The following UBASH3A variants were observed in gnomAD, a reference collection of about 807,000 sequenced individuals.
UBASH3A encodes the protein ubiquitin-associated and SH3 domain-containing protein A.
A neutral mutation model predicts 73.5 loss-of-function variants in UBASH3A; 63 were observed. The ratio of observed to expected loss-of-function variants is 0.86; its 90% CI spans 0.70 to 1.06. UBASH3A has a LOEUF of 1.06. Ranked by LOEUF, UBASH3A falls within the 50% of genes least tolerant of loss-of-function variation. UBASH3A has a pLI of 0.00. For synonymous variants in UBASH3A, 363 were observed against 351.1 expected (o/e 1.03, Z -0.38); for missense variants, 860 against 859.0 (o/e 1.00, Z -0.02).
chr21:42,405,990 G>GC (rs1568904760), intron 1 of UBASH3A, among the ~76,000 whole-genome samples: 6 of 150,938 alleles, frequency 4.0e-5, no homozygotes, highest in South Asian at 4.2e-4. Flanking sequence ...CAGTGGGGGG[G>GC]GGGGGGGCAG....
chr21:42,443,331 G>T lies in UBASH3A; in HGVS notation c.1651G>T (p.Ala551Ser), dbSNP rs143135698. ...TTCCAGGCCCGCGTTTCCCCTGTCC[G>T]CCCTCATGCCGGCCGAGAGCTACCA... ...TDYRPAFPLS[A>S]LMPAESYQEY... The change falls in exon 13 of 15, where the codon GCC (alanine) becomes TCC (serine). Residue 551 changes from alanine (A) to serine (S), a missense_variant. Transcript: ENST00000319294. 7 of 1,612,924 alleles carry T rather than the reference G, an allele frequency of 4.3e-6. No individual in the cohort carries two copies. In the African/African-American group the frequency reaches 9.4e-5, roughly 22 times the overall value.
chr21:42,413,344 C>A lies in UBASH3A; in HGVS notation c.554-66C>A, dbSNP rs201904131. 4.1e-4 allele frequency: 640 copies of A among 1,543,220 alleles called. 13 individuals are homozygous for A. In the East Asian group the frequency reaches 0.014, roughly 34 times the overall value. On this transcript the variant is annotated intron_variant, in intron 4 of 14. Coordinates refer to ENST00000319294, the MANE Select transcript of UBASH3A (RefSeq NM_018961.4). The surrounding 1 kb of genome is among the most constrained non-coding windows in gnomAD (Gnocchi z 4.5). The stretch of plus-strand genomic sequence containing the variant: ...TGGGTTCCAGGGGAGCAGAGCCCAG[C>A]AGCAATGGTGGGATGGCTGGGTGGG...
chr21:42,417,878 CTTT>C (rs796939696), intron 6 of UBASH3A, among the ~76,000 whole-genome samples: 1,595 of 90,466 alleles, frequency 0.018, 15 homozygotes, highest in African/African-American at 0.063. Context: ...TTCTTTTTTT[CTTT>C]TTTTTTTTTT....
chr21:42,439,023 G>T (rs74331949), intron 11 of UBASH3A, among the ~76,000 whole-genome samples: 1 of 152,116 alleles, frequency 6.6e-6, no homozygotes, highest in Non-Finnish European at 1.5e-5. Context: ...ATGCACACAT[G>T]TGCATTGCCG....
intron 8 of UBASH3A, among the ~76,000 whole-genome samples, chr21:42,429,739 C>T (rs1378949386): frequency 6.6e-6 from 1 of 152,130 alleles, no homozygotes; most frequent in Non-Finnish European, 1.5e-5. Flanking sequence ...GCAAGACAAA[C>T]CTTCCCCTGA....
chr21:42,422,218 T>C (rs557805111), intron 7 of UBASH3A, among the ~76,000 whole-genome samples: 20 of 152,212 alleles, frequency 1.3e-4, no homozygotes, highest in Non-Finnish European at 2.8e-4. Context: ...GAATAAGAAC[T>C]TAGGACCACA....
rs532757591 is a variant in UBASH3A at position 42,444,320 on chromosome 21, G to T, written c.1739-214G>T. On this transcript the variant is annotated intron_variant, in intron 13 of 14. Coordinates refer to ENST00000319294, the MANE Select transcript of UBASH3A (RefSeq NM_018961.4). The stretch of plus-strand genomic sequence containing the variant: ...CACTTCCTAGGCCTCCCTGAGGCTG[G>T]TGGGCAGCTGCTGCGTGCAGAGGAA... 6.4e-4 allele frequency among the ~76,000 whole-genome samples: 97 copies of T among 152,336 alleles called. 1 individual carries two copies. Among genetic ancestry groups the T allele is most frequent in the Non-Finnish European group, 1.1e-3 (78 of 68,026 alleles).
chr21:42,436,470 G>T (rs2053629470), intron 10 of UBASH3A, among the ~76,000 whole-genome samples: 1 of 152,162 alleles, frequency 6.6e-6, no homozygotes, highest in African/African-American at 2.4e-5. Context: ...TCTCTTCTCT[G>T]CATGTCTCTG....
At chr21:42,412,548 T>C (rs532225247) in intron 3 of UBASH3A, among the ~76,000 whole-genome samples, 2 of 152,180 alleles carry the variant, frequency 1.3e-5, no homozygotes, top group African/African-American at 4.8e-5. Context: ...CCCGACTCAG[T>C]GCTCAGCCGT....
At chr21:42,439,854 A>T (rs1350328131) in intron 11 of UBASH3A, among the ~76,000 whole-genome samples, 1 of 144,324 alleles carries the variant, frequency 6.9e-6, no homozygotes, top group Non-Finnish European at 1.5e-5. Context: ...CACACAACAC[A>T]CACACCACAC....
In UBASH3A at chr21:42,418,494, G is replaced by A. The variant is rs1228173031; in HGVS notation, c.931G>A (p.Asp311Asn). ...CATCTTTGTGGACCCCACGCAGCAGGACGAAGCCAGCGAGGGCTGGGTGAT... is the reference window on the plus strand; with the variant it reads ...CATCTTTGTGGACCCCACGCAGCAGAACGAAGCCAGCGAGGGCTGGGTGAT... ...DYIFVDPTQQ[D>N]EASEGWVIGI... Residue 311 changes from aspartate to asparagine, a missense_variant, in exon 7 of 15, where the codon GAC (aspartate) becomes AAC (asparagine). Asp to Asn is a conservative substitution (Grantham distance 23). Coordinates refer to ENST00000319294, the MANE Select transcript of UBASH3A (RefSeq NM_018961.4). The A allele has an allele frequency of 6.2e-7, 1 of 1,614,260 alleles. No individual in the cohort carries two copies. The highest frequency in any genetic ancestry group is 1.1e-5 in the South Asian group (1 of 91,086).
chr21:42,444,559 CGGCTCCACTCT>C lies in UBASH3A; in HGVS notation c.1767_1777del (p.Ser590LeufsTer33), dbSNP rs2053813682. 1 of 1,613,572 alleles carries C rather than the reference CGGCTCCACTCT, an allele frequency of 6.2e-7. No individual in the cohort carries two copies. The highest frequency in any genetic ancestry group is 1.3e-5 in the African/African-American group (1 of 74,912). ...CGGGTGTCATCCTAATTGTGAGTCA[CGGCTCCACTCT>C]GGACTCCTGCACGCGGCCACTGCTC... On this transcript the variant is annotated frameshift_variant, in exon 14 of 15. Transcript: ENST00000319294. LOFTEE classifies it high-confidence loss of function.
At chr21:42,445,156 C>T (rs896239963) in intron 14 of UBASH3A, among the ~76,000 whole-genome samples, 3 of 152,228 alleles carry the variant, frequency 2.0e-5, no homozygotes, top group Non-Finnish European at 4.4e-5. Flanking sequence ...ATAACGCACA[C>T]GTGACATCTT....
rs751895974 is a variant in UBASH3A at position 42,413,572 on chromosome 21, G to A, written c.667+49G>A. The A allele has an allele frequency of 1.8e-5, 24 of 1,352,456 alleles. No homozygotes were observed. The highest frequency in any genetic ancestry group is 3.7e-4 in the Middle Eastern group (2 of 5,470). 83.8% of individuals were successfully genotyped at this position (1,352,456 alleles called of 1,614,324 possible). A position where few individuals can be genotyped will look rare whatever the true frequency, so the allele number is the denominator to read the frequency against. ...ACCAGCTTTGGTCTTCTCTTTAGGC[G>A]GGAATAGCCTTGTTCTCATTATGTG... On this transcript the variant is annotated intron_variant, in intron 5 of 14. Coordinates refer to ENST00000319294, the MANE Select transcript of UBASH3A (RefSeq NM_018961.4). The surrounding 1 kb of genome is among the most constrained non-coding windows in gnomAD (Gnocchi z 4.5).
intron 7 of UBASH3A, among the ~76,000 whole-genome samples, chr21:42,419,773 C>T (rs2053298096): frequency 6.6e-6 from 1 of 152,222 alleles, no homozygotes; most frequent in African/African-American, 2.4e-5. Flanking sequence ...AACTGTACTT[C>T]AAGTGCCCAT....
In UBASH3A at chr21:42,418,632, G is replaced by A. The variant is rs748580933; in HGVS notation, c.1046+23G>A. The A allele has an allele frequency of 7.5e-6, 12 of 1,598,546 alleles. No homozygotes were observed. In the Admixed American group the frequency reaches 8.5e-5, roughly 11 times the overall value. On this transcript the variant is annotated intron_variant, in intron 7 of 14. Transcript: ENST00000319294. ...CAGGTGAGTGCTGCCTCTGGCTGCA[G>A]CCCCGTCATCTCTCTCTGAGTTACT... is the stretch of plus-strand genomic sequence containing the variant.
At chr21:42,431,506 A>G (rs1480185799) in intron 8 of UBASH3A, among the ~76,000 whole-genome samples, 1 of 152,222 alleles carries the variant, frequency 6.6e-6, no homozygotes, top group Non-Finnish European at 1.5e-5. Context: ...ATAAACTATA[A>G]AGTACTGTTT....
In UBASH3A at chr21:42,418,410, G is replaced by T; in HGVS notation, c.847G>T (p.Ala283Ser). Residue 283 changes from alanine to serine, a missense_variant, in exon 7 of 15, where the codon GCC becomes TCC. Coordinates refer to ENST00000319294, the MANE Select transcript of UBASH3A (RefSeq NM_018961.4). ...MRFVHYQTLR[A>S]LFQYKPQNVD... ...TTTGCCTCTTTTCTAGACCCTGAGAGCCCTATTCCAGTACAAACCCCAGAA... is the reference window on the plus strand; with the variant it reads ...TTTGCCTCTTTTCTAGACCCTGAGATCCCTATTCCAGTACAAACCCCAGAA... 6.2e-7 allele frequency: 1 copy of T among 1,613,116 alleles called. No homozygotes were observed. Among genetic ancestry groups the T allele is most frequent in the Non-Finnish European group, 8.5e-7 (1 of 1,179,126 alleles).
intron 5 of UBASH3A, among the ~76,000 whole-genome samples, chr21:42,416,219 GC>G (rs1229780919): frequency 4.6e-5 from 7 of 152,024 alleles, no homozygotes; most frequent in Non-Finnish European, 8.8e-5. Context: ...AAACCGATAG[GC>G]CCCCGAGACC....
Sources: gnomAD v4.1 joint callset for allele counts (sites outside exome capture counted in the v4.1 genomes callset) on GRCh38, gnomAD v4.1.1 for gene constraint, Gnocchi (gnomAD v3.1) non-coding constraint, MANE v1.5 for transcripts, NCBI Gene and HGNC (gene_info 2026-07-23, HGNC 2026-07-21) for gene names.